Variants in UBAC2 observed in about 807,000 individuals in gnomAD.
UBAC2 encodes the protein UBA domain containing 2.
Under a neutral mutation model 44.0 loss-of-function variants are expected in UBAC2, and 26 were observed. The observed-to-expected ratio is 0.59, with a 90% CI of 0.43 to 0.82. The LOEUF (loss-of-function observed/expected upper bound fraction) is 0.82. Among genes scored for constraint, UBAC2 ranks in the 40% least tolerant of loss-of-function variants. The probability of loss-of-function intolerance (pLI) is 0.00; values close to 1 mark genes in which losing one functional copy is unlikely to be tolerated. For missense variants in UBAC2, 329 were observed against 419.4 expected (o/e 0.78, Z 1.88); for synonymous variants, 155 against 154.3 (o/e 1.00, Z -0.04).
intron 7 of UBAC2, chr13:99,351,771 G>A (rs1283283442): frequency 2.2e-6 from 1 of 456,726 alleles, no homozygotes; most frequent in Non-Finnish European, 4.4e-6. Flanking sequence ...AGCCAAGTGG[G>A]ACATTTGGCA....
intron 4 of UBAC2, among the ~76,000 whole-genome samples, chr13:99,285,616 T>C (rs1310227543): frequency 6.6e-6 from 1 of 152,106 alleles, no homozygotes; most frequent in African/African-American, 2.4e-5. Context: ...GGTCTCAAAC[T>C]CCTGGCCTCA....
At chr13:99,252,563 C>T (rs541668059) in intron 4 of UBAC2, among the ~76,000 whole-genome samples, 10 of 152,164 alleles carry the variant, frequency 6.6e-5, no homozygotes, top group Non-Finnish European at 1.2e-4. Context: ...GTAGAAATAA[C>T]TCCATTATTA....
intron 4 of UBAC2, among the ~76,000 whole-genome samples, chr13:99,310,874 G>T (rs1235447143): frequency 2.0e-5 from 3 of 152,012 alleles, no homozygotes; most frequent in African/African-American, 4.8e-5. Flanking sequence ...TGAATTAAGC[G>T]CCTCCAAGGG....
intron 1 of UBAC2, among the ~76,000 whole-genome samples, chr13:99,213,946 G>C (rs1189790052): frequency 2.0e-5 from 3 of 152,014 alleles, no homozygotes; most frequent in Non-Finnish European, 4.4e-5. Flanking sequence ...CAGCCTTCTA[G>C]TAGCTGGGAT....
At chr13:99,317,829 T>TA (rs960757402) in intron 5 of UBAC2, among the ~76,000 whole-genome samples, 193 bp from the exon 6 acceptor site, 4 of 152,078 alleles carry the variant, frequency 2.6e-5, no homozygotes, top group African/African-American at 7.2e-5. Flanking sequence ...GATGTCTGAA[T>TA]AAAAAAAATT....
intron 6 of UBAC2, among the ~76,000 whole-genome samples, chr13:99,324,710 T>C (rs978753198): frequency 6.6e-6 from 1 of 152,196 alleles, no homozygotes; most frequent in Non-Finnish European, 1.5e-5. Flanking sequence ...AGTCATGCAC[T>C]GCGTAACAAC....
chr13:99,223,654 C>G (rs1052287769), intron 1 of UBAC2, among the ~76,000 whole-genome samples: 2 of 145,220 alleles, frequency 1.4e-5, no homozygotes, highest in Non-Finnish European at 3.0e-5. Flanking sequence ...AAGCATTGCT[C>G]TATCTGCAGT....
intron 1 of UBAC2, chr13:99,215,447 T>C (rs1369495127): frequency 7.3e-7 from 1 of 1,368,902 alleles, no homozygotes; most frequent in Non-Finnish European, 1.0e-6. Context: ...CACCAGCAAT[T>C]GTAGCCTTGA....
intron 7 of UBAC2, among the ~76,000 whole-genome samples, chr13:99,347,327 C>CG (rs1295250077): frequency 7.3e-5 from 6 of 81,816 alleles, no homozygotes; most frequent in African/African-American, 1.7e-4. Flanking sequence ...GCGCCCCCCC[C>CG]CCCCCCCAGG....
intron 4 of UBAC2, among the ~76,000 whole-genome samples, chr13:99,306,592 A>AT (rs1387919008): frequency 6.6e-6 from 1 of 152,124 alleles, no homozygotes; most frequent in East Asian, 1.9e-4. Flanking sequence ...CACAGCTTCT[A>AT]TTTTGCCAAG....
chr13:99,300,075 C>G (rs1057126317), intron 4 of UBAC2, among the ~76,000 whole-genome samples: 1 of 152,216 alleles, frequency 6.6e-6, no homozygotes, highest in Non-Finnish European at 1.5e-5. Flanking sequence ...ATGGCACATG[C>G]GCAACATTGC....
At chr13:99,348,119 C>T (rs2045020253) in intron 7 of UBAC2, among the ~76,000 whole-genome samples, 1 of 152,184 alleles carries the variant, frequency 6.6e-6, no homozygotes, top group Non-Finnish European at 1.5e-5. Context: ...CATTACATAA[C>T]TTTTCATGGG....
At chr13:99,201,604 C>CT (rs1555317770) in intron 1 of UBAC2, 2 of 1,609,926 alleles carry the variant, frequency 1.2e-6, no homozygotes, top group Non-Finnish European at 1.7e-6. Flanking sequence ...AGTTAAACGG[C>CT]TTTTCTCACT....
chr13:99,262,469 G>A (rs1383652001), intron 4 of UBAC2, among the ~76,000 whole-genome samples: 1 of 152,126 alleles, frequency 6.6e-6, no homozygotes, highest in African/African-American at 2.4e-5. Flanking sequence ...TTGGGAGGCT[G>A]AGGCGGGTGG....
intron 7 of UBAC2, among the ~76,000 whole-genome samples, chr13:99,350,506 G>A (rs1019860179): frequency 5.3e-5 from 8 of 152,202 alleles, no homozygotes; most frequent in African/African-American, 1.9e-4. Context: ...AACCCCCAAA[G>A]GACAGGGTTT....
At chr13:99,378,149 C>T (rs1339788965) in intron 8 of UBAC2, among the ~76,000 whole-genome samples, 5 of 152,238 alleles carry the variant, frequency 3.3e-5, no homozygotes, top group African/African-American at 1.2e-4. Context: ...ACTGTTGTCA[C>T]AGTCACCTTG....
At chr13:99,231,536 C>T (rs545569916) in intron 1 of UBAC2, 1 of 151,676 alleles carries the variant, frequency 6.6e-6, no homozygotes, top group East Asian at 1.9e-4. Context: ...CCTCAGCCTC[C>T]CGAGTAGCTG....
chr13:99,220,386 C>T (rs2043040753), intron 1 of UBAC2, among the ~76,000 whole-genome samples: 1 of 152,124 alleles, frequency 6.6e-6, no homozygotes, highest in Non-Finnish European at 1.5e-5. Context: ...ATGTAAAGTG[C>T]TTTTATTAGC....
chr13:99,215,547 C>T lies in UBAC2; in HGVS notation c.31+14608C>T, dbSNP rs977905077. 2.7e-5 allele frequency: 39 copies of T among 1,471,456 alleles called. No homozygotes were observed. In the Admixed American group the frequency reaches 6.4e-4, roughly 24 times the overall value. 91.1% of individuals were successfully genotyped at this position (1,471,456 alleles called of 1,614,324 possible). A position where few individuals can be genotyped will look rare whatever the true frequency, so the allele number is the denominator to read the frequency against. On this transcript the variant is annotated intron_variant, in intron 1 of 8. Transcript: ENST00000403766. ...TACCTTTAAGTCTTTTGATGCATTT[C>T]CTGCCAGTTCAAGTCCCTCTGCGGT...
Sources: gnomAD v4.1 joint callset for allele counts (sites outside exome capture counted in the v4.1 genomes callset) on GRCh38, gnomAD v4.1.1 for gene constraint, MANE v1.5 for transcripts, NCBI Gene and HGNC (gene_info 2026-07-23, HGNC 2026-07-21) for gene names.